Variants in ARHGEF28 observed in about 807,000 individuals in gnomAD.
ARHGEF28 encodes the protein 190 kDa guanine nucleotide exchange factor.
Under a neutral mutation model 206.6 loss-of-function variants are expected in ARHGEF28, and 152 were observed. The ratio of observed to expected loss-of-function variants is 0.74; its 90% confidence interval spans 0.64 to 0.84. The LOEUF (loss-of-function observed/expected upper bound fraction) is 0.84. ARHGEF28 is among the 40% of genes least tolerant of loss of function. The probability of loss-of-function intolerance (pLI) is 0.00; values close to 1 mark genes in which losing one functional copy is unlikely to be tolerated. For synonymous variants in ARHGEF28, 763 were observed against 776.4 expected (o/e 0.98, Z 0.29); for missense variants, 2,028 against 2,073.2 (o/e 0.98, Z 0.42).
chr5:73,865,456 C>G (rs1360800376), intron 17 of ARHGEF28, among the ~76,000 whole-genome samples: 1 of 152,142 alleles, frequency 6.6e-6, no homozygotes, highest in African/African-American at 2.4e-5. Context: ...GTCACAGATG[C>G]ATGTGAGTGA....
At chr5:73,662,471 C>G (rs914781267) in intron 1 of ARHGEF28, among the ~76,000 whole-genome samples, 9 of 152,124 alleles carry the variant, frequency 5.9e-5, no homozygotes, top group African/African-American at 2.2e-4. Flanking sequence ...TGAAGATTGC[C>G]TGGAAAGAGA....
chr5:73,687,965 C>T (rs887359292), intron 2 of ARHGEF28, among the ~76,000 whole-genome samples: 1 of 151,978 alleles, frequency 6.6e-6, no homozygotes, highest in Non-Finnish European at 1.5e-5. Context: ...ATTTTGGTGA[C>T]TTTATGTATG....
intron 3 of ARHGEF28, 61 bp downstream of exon 3, chr5:73,750,045 G>T (rs534988531): frequency 1.3e-5 from 21 of 1,580,912 alleles, no homozygotes; most frequent in South Asian, 8.0e-5. Flanking sequence ...TCCCTCCAGG[G>T]CTGTAGGCCA....
rs775973860 is a variant in ARHGEF28, at chr5:73,867,895, C to G, written c.2172C>G (p.Ile724Met). Residue 724 changes from isoleucine to methionine, a missense_variant, in exon 19 of 36, where the codon ATC becomes ATG. Ile to Met is a conservative substitution (Grantham distance 10, BLOSUM62 1). Coordinates refer to ENST00000513042, the MANE Select transcript of ARHGEF28 (RefSeq NM_001177693.2). ...TTCCAGATTCTTCATTTAGAGACAT[C>G]CCACAGCCTGGTCTCTCCTTGCACC... ...TILGNSSFRD[I>M]PQPGLSLHPS... is the part of the protein sequence containing the mutation. 15 of 1,613,976 alleles carry G rather than the reference C, an allele frequency of 9.3e-6. No homozygotes were observed. In the Admixed American group the frequency reaches 2.5e-4, roughly 27 times the overall value.
In ARHGEF28 at chr5:73,773,851, T is replaced by G; in HGVS notation, c.476-4T>G. ...TAATATGGTATGTGTTTTTTCCTCTTCAGTATCTTCTCACAGAGAATCTCT... is the reference window on the plus strand; with the variant it reads ...TAATATGGTATGTGTTTTTTCCTCTGCAGTATCTTCTCACAGAGAATCTCT... On this transcript the variant is annotated splice_polypyrimidine_tract_variant and splice_region_variant and intron_variant, in intron 4 of 35. Transcript: ENST00000513042. 2 of 1,589,470 alleles carry G rather than the reference T, an allele frequency of 1.3e-6. No homozygotes were observed.
At chr5:73,770,747 TG>T (rs1753178998) in intron 4 of ARHGEF28, among the ~76,000 whole-genome samples, 1 of 152,230 alleles carries the variant, frequency 6.6e-6, no homozygotes, top group South Asian at 2.1e-4. Context: ...TACAACATTT[TG>T]GTCAGTTTTT....
chr5:73,870,279 C>T (rs1246705183), intron 21 of ARHGEF28, 70 bp downstream of exon 21: 2 of 1,517,672 alleles, frequency 1.3e-6, no homozygotes, highest in Non-Finnish European at 8.9e-7. Flanking sequence ...GAATTTGCAA[C>T]TGTGCAGAGT....
chr5:73,732,644 T>A (rs971107149), intron 2 of ARHGEF28, among the ~76,000 whole-genome samples: 2 of 152,204 alleles, frequency 1.3e-5, no homozygotes, highest in African/African-American at 4.8e-5. Flanking sequence ...TCTGATATTT[T>A]CTTACTTTAT....
intron 1 of ARHGEF28, among the ~76,000 whole-genome samples, chr5:73,669,473 A>G (rs1288796324): frequency 6.6e-6 from 1 of 152,228 alleles, no homozygotes; most frequent in Admixed American, 6.5e-5. Flanking sequence ...AACTATATTC[A>G]GACTTCTTGT....
At chr5:73,700,292 C>A (rs10515160) in intron 2 of ARHGEF28, among the ~76,000 whole-genome samples, 4,683 of 152,208 alleles carry the variant, frequency 0.031, 236 homozygotes, top group African/African-American at 0.11. Flanking sequence ...ATTGACGGAA[C>A]ACTTCTAGAA....
At chr5:73,719,079 G>A (rs1272593773) in intron 2 of ARHGEF28, among the ~76,000 whole-genome samples, 2 of 152,216 alleles carry the variant, frequency 1.3e-5, no homozygotes, top group Admixed American at 6.5e-5. Flanking sequence ...TCAAGACTCA[G>A]CTGTTTTGCC....
At chr5:73,742,817 C>T (rs1334996785) in intron 2 of ARHGEF28, among the ~76,000 whole-genome samples, 6 of 134,358 alleles carry the variant, frequency 4.5e-5, no homozygotes, top group Admixed American at 2.5e-4. Context: ...GGCGACAGAG[C>T]GAGACTCCGT....
chr5:73,704,483 G>A (rs139969672), intron 2 of ARHGEF28, among the ~76,000 whole-genome samples: 3,132 of 152,206 alleles, frequency 0.021, 40 homozygotes, highest in Non-Finnish European at 0.032. Context: ...GGAGTGCAGT[G>A]GAGCGACCTT....
intron 11 of ARHGEF28, 25 bp from the exon 12 acceptor site, chr5:73,846,243 C>T: frequency 6.2e-7 from 1 of 1,606,310 alleles, no homozygotes; most frequent in Admixed American, 1.7e-5. Context: ...TGCTTCTTTA[C>T]TTACTTGCTG....
chr5:73,773,549 C>A (rs930105660), intron 4 of ARHGEF28, among the ~76,000 whole-genome samples: 1 of 152,182 alleles, frequency 6.6e-6, no homozygotes, highest in Non-Finnish European at 1.5e-5. Context: ...CTAGAACCTG[C>A]TTCCCTAGAT....
At chr5:73,637,217 C>T (rs567465786) in intron 1 of ARHGEF28, among the ~76,000 whole-genome samples, 214 of 152,176 alleles carry the variant, frequency 1.4e-3, no homozygotes, top group African/African-American at 5.0e-3. Context: ...AATGTATGGC[C>T]TTTTTGATAA....
At chr5:73,749,725 C>T (rs1751925001) in intron 2 of ARHGEF28, 112 bp from the exon 3 acceptor site, 2 of 1,180,764 alleles carry the variant, frequency 1.7e-6, no homozygotes, top group East Asian at 2.4e-5. Flanking sequence ...AACTCAACCA[C>T]ATGAAGTGAA....
chr5:73,917,310 G>A (rs1763265076), intron 35 of ARHGEF28, among the ~76,000 whole-genome samples: 1 of 152,186 alleles, frequency 6.6e-6, no homozygotes, highest in African/African-American at 2.4e-5. Flanking sequence ...ATTAGGTTAT[G>A]TTTTAAAGGA....
chr5:73,765,226 T>C (rs986813421), intron 4 of ARHGEF28, among the ~76,000 whole-genome samples: 2 of 152,250 alleles, frequency 1.3e-5, no homozygotes, highest in African/African-American at 4.8e-5. Context: ...CAGATATTTA[T>C]AGACAGTCCC....
Sources: gnomAD v4.1 joint callset for allele counts (sites outside exome capture counted in the v4.1 genomes callset) on GRCh38, gnomAD v4.1.1 for gene constraint, MANE v1.5 for transcripts, NCBI Gene and HGNC (gene_info 2026-07-23, HGNC 2026-07-21) for gene names.